The following UBASH3A variants were observed in gnomAD, a reference collection of about 807,000 sequenced individuals.
UBASH3A encodes ubiquitin-associated and SH3 domain-containing protein A.
UBASH3A carries 63 observed loss-of-function variants against 73.5 expected under a neutral mutation model. The ratio of observed to expected loss-of-function variants is 0.86; its 90% CI spans 0.70 to 1.06. The LOEUF is 1.06. Among genes scored for constraint, UBASH3A ranks in the 50% least tolerant of loss-of-function variants. The pLI is 0.00. For missense variants in UBASH3A, 860 were observed against 859.0 expected, an observed-to-expected ratio of 1.00 and a Z score of -0.02; for synonymous variants, 363 against 351.1, an observed-to-expected ratio of 1.03 and a Z score of -0.38.
chr21:42,426,818 C>A lies in UBASH3A; in HGVS notation c.1168C>A (p.Gln390Lys). 2 of 1,613,690 alleles carry A rather than the reference C, an allele frequency of 1.2e-6. No homozygotes were observed. Among genetic ancestry groups the A allele is most frequent in the Non-Finnish European group, 1.7e-6 (2 of 1,179,798 alleles). Residue 390 changes from glutamine to lysine, a missense_variant and splice_region_variant, in exon 8 of 15, where the codon CAG (glutamine) becomes AAG (lysine). Physicochemically the swap from Gln to Lys is moderately conservative, Grantham distance 53. Coordinates refer to ENST00000319294, the MANE Select transcript of UBASH3A (RefSeq NM_018961.4). The stretch of plus-strand genomic sequence containing the variant: ...GAGTCTTAGCAGCTTACAGGCCTTG[C>A]AGGTAATAGAACATTCCCTTTTTTC... ...ARSLSSLQAL[Q>K]ATVARKSVLV...
intron 3 of UBASH3A, 69 bp downstream of exon 3, chr21:42,409,677 TG>T: frequency 7.0e-7 from 1 of 1,419,268 alleles, no homozygotes. Context: ...AACTAGGCCA[TG>T]ATGGGACAAA....
At chr21:42,430,931 T>C (rs900515071) in intron 8 of UBASH3A, among the ~76,000 whole-genome samples, 2 of 152,048 alleles carry the variant, frequency 1.3e-5, no homozygotes, top group African/African-American at 4.8e-5. Flanking sequence ...TGGGCCTGGC[T>C]CTGGGGCTGG....
chr21:42,428,198 G>A (rs2053472293), intron 8 of UBASH3A, among the ~76,000 whole-genome samples: 1 of 152,216 alleles, frequency 6.6e-6, no homozygotes, highest in South Asian at 2.1e-4. Flanking sequence ...CTCCAGGACT[G>A]TGGGAGAGTA....
In UBASH3A at chr21:42,416,564, T is replaced by G. The variant is rs766808891; in HGVS notation, c.790T>G (p.Trp264Gly). The part of the protein sequence containing the change: ...RAIPLGHSCQ[W>G]TAALYSRDMR... ...CATCCCCCTGGGCCACAGCTGCCAGTGGACCGCAGCACTCTACTCCCGAGA... is the reference window on the plus strand; with the variant it reads ...CATCCCCCTGGGCCACAGCTGCCAGGGGACCGCAGCACTCTACTCCCGAGA... Residue 264 changes from tryptophan to glycine, a missense_variant, in exon 6 of 15, where the codon TGG becomes GGG. Coordinates refer to ENST00000319294, the MANE Select transcript of UBASH3A (RefSeq NM_018961.4). The G allele has an allele frequency of 1.9e-6, 3 of 1,609,252 alleles. No homozygotes were observed. Among genetic ancestry groups the G allele is most frequent in the Non-Finnish European group, 1.7e-6 (2 of 1,178,034 alleles).
At chr21:42,406,259 T>A (rs760287128) in intron 1 of UBASH3A, 49 bp from the exon 2 acceptor site, 7 of 1,554,152 alleles carry the variant, frequency 4.5e-6, no homozygotes, top group Non-Finnish European at 6.2e-6. Flanking sequence ...CTGACCCTTT[T>A]CCCAAGAATG....
At chr21:42,421,170 A>G (rs908617775) in intron 7 of UBASH3A, among the ~76,000 whole-genome samples, 1 of 152,260 alleles carries the variant, frequency 6.6e-6, no homozygotes, top group Admixed American at 6.5e-5. Context: ...CAGAGGTCAG[A>G]GTACACATGG....
At chr21:42,418,777 C>T (rs1415907687) in intron 7 of UBASH3A, among the ~76,000 whole-genome samples, 168 bp downstream of exon 7, 1 of 152,084 alleles carries the variant, frequency 6.6e-6, no homozygotes, top group African/African-American at 2.4e-5. Flanking sequence ...TTGGTTCGTC[C>T]CTGGTTTTCT....
intron 12 of UBASH3A, 130 bp downstream of exon 12, chr21:42,442,726 G>T: frequency 1.0e-6 from 1 of 997,076 alleles, no homozygotes; most frequent in Non-Finnish European, 1.4e-6. Context: ...TTTTGCAGCA[G>T]GGGAGAGAGG....
In UBASH3A at chr21:42,437,495, G is replaced by A. The variant is rs375005296; in HGVS notation, c.1401G>A (p.Ala467=). The A allele has an allele frequency of 1.2e-4, 186 of 1,614,044 alleles. No individual in the cohort carries two copies. The highest frequency in any genetic ancestry group is 1.4e-4 in the Non-Finnish European group (168 of 1,179,968). The change falls in exon 11 of 15, where the codon GCG becomes GCA. Residue 467 remains alanine (A), a synonymous_variant. Transcript: ENST00000319294. Reference sequence around the variant, plus strand: ...TTTTTCACTATTTTCCAGGGGACGCGCTACTGGACAGTGGTATCAGAATCA... The same window carrying A: ...TTTTTCACTATTTTCCAGGGGACGCACTACTGGACAGTGGTATCAGAATCA... The part of the protein sequence containing the change: ...GIFQSRIAGD[A]LLDSGIRISS...
At chr21:42,445,202 G>A (rs1392998901) in intron 14 of UBASH3A, among the ~76,000 whole-genome samples, 1 of 152,222 alleles carries the variant, frequency 6.6e-6, no homozygotes, top group Non-Finnish European at 1.5e-5. Context: ...AAGCCAGAGG[G>A]TGATGTCCAG....
chr21:42,422,264 C>T (rs1036990038), intron 7 of UBASH3A, among the ~76,000 whole-genome samples: 1 of 152,182 alleles, frequency 6.6e-6, no homozygotes, highest in Admixed American at 6.5e-5. Flanking sequence ...CAGCCGTAGT[C>T]ACACGTCTTT....
At position 42,404,258 on chromosome 21, in the gene UBASH3A, C is replaced by T. The variant is rs986108481; in HGVS notation, c.113+200C>T. On this transcript the variant is annotated intron_variant, in intron 1 of 14. Coordinates refer to ENST00000319294, the MANE Select transcript of UBASH3A (RefSeq NM_018961.4). Reference sequence around the variant, plus strand: ...GGTGATCTTGACCAAGCTTGTCCAACCCACATGAGGCCCAGGACAGCTTTG... The same window carrying T: ...GGTGATCTTGACCAAGCTTGTCCAATCCACATGAGGCCCAGGACAGCTTTG... 5 of 376,968 alleles carry T rather than the reference C, an allele frequency of 1.3e-5. No homozygotes were observed. The South Asian group carries it at 6.7e-4, about 51-fold the overall frequency. 23.4% of individuals were successfully genotyped at this position (376,968 alleles called of 1,614,324 possible).
At chr21:42,417,878 C>CTTTTTTTTTTTTTTTT (rs796939696) in intron 6 of UBASH3A, among the ~76,000 whole-genome samples, 5 of 90,634 alleles carry the variant, frequency 5.5e-5, no homozygotes, top group South Asian at 4.2e-4. Flanking sequence ...TTCTTTTTTT[C>CTTTTTTTTTTTTTTTT]TTTTTTTTTT....
Position 42,413,633 on chromosome 21 carries a change from G to A in UBASH3A, c.667+110G>A, listed in dbSNP as rs1285734797. 1.5e-5 allele frequency: 12 copies of A among 810,016 alleles called. No homozygotes were observed. The highest frequency in any genetic ancestry group is 2.1e-5 in the Non-Finnish European group (11 of 519,058). The allele number at this position is 810,016 out of a possible 1,614,324, so 50.2% of individuals were successfully genotyped here. On this transcript the variant is annotated intron_variant, in intron 5 of 14. Transcript: ENST00000319294. This position sits in a 1 kb window ranked among gnomAD's most constrained non-coding sequence, Gnocchi z 4.5. ...TGCTTAGCTATATGCCAACAGCCTGGGAAAGTGCCCCAGAAGGGTGTGCCA... is the reference window on the plus strand; with the variant it reads ...TGCTTAGCTATATGCCAACAGCCTGAGAAAGTGCCCCAGAAGGGTGTGCCA...
At chr21:42,421,044 C>T (rs528695205) in intron 7 of UBASH3A, among the ~76,000 whole-genome samples, 7 of 152,348 alleles carry the variant, frequency 4.6e-5, no homozygotes, top group East Asian at 3.9e-4. Flanking sequence ...TAGGAACTGT[C>T]GTTCAGTCTG....
rs753503071 is a variant in UBASH3A, at chr21:42,418,450, C to T, written c.887C>T (p.Thr296Met). ...AAACCCCAGAACGTGGATGAGCTGACGCTAAGTCCTGGTGACTACATCTTT... is the reference window on the plus strand; with the variant it reads ...AAACCCCAGAACGTGGATGAGCTGATGCTAAGTCCTGGTGACTACATCTTT... The part of the protein sequence containing the change: ...QYKPQNVDEL[T>M]LSPGDYIFVD... Residue 296 changes from threonine to methionine, a missense_variant, in exon 7 of 15, where the codon ACG becomes ATG. By Grantham distance (81) the Thr-to-Met change is moderately conservative (BLOSUM62 -1). Transcript: ENST00000319294. The T allele has an allele frequency of 2.0e-5, 33 of 1,614,234 alleles. No individual in the cohort carries two copies. The highest frequency in any genetic ancestry group is 2.4e-5 in the Non-Finnish European group (28 of 1,180,042).
At chr21:42,438,119 G>A (rs1217102484) in intron 11 of UBASH3A, among the ~76,000 whole-genome samples, 1 of 152,176 alleles carries the variant, frequency 6.6e-6, no homozygotes. Context: ...CCTTCAGCCT[G>A]AACCCTGTCC....
intron 8 of UBASH3A, among the ~76,000 whole-genome samples, chr21:42,429,028 G>T (rs1729575213): frequency 6.6e-6 from 1 of 152,144 alleles, no homozygotes; most frequent in African/African-American, 2.4e-5. Context: ...ATCCAGGAGG[G>T]CCCTAAACCC....
intron 8 of UBASH3A, among the ~76,000 whole-genome samples, chr21:42,428,739 C>G (rs751518573): frequency 1.8e-4 from 27 of 152,030 alleles, no homozygotes; most frequent in Non-Finnish European, 3.7e-4. Context: ...ATGGAAGTCT[C>G]TGCTCGTAGC....
Sources: allele counts gnomAD v4.1 joint callset (sites outside exome capture counted in the v4.1 genomes callset), GRCh38; gene constraint gnomAD v4.1.1; non-coding constraint Gnocchi (gnomAD v3.1); transcripts MANE v1.5; gene names NCBI Gene and HGNC (gene_info 2026-07-23, HGNC 2026-07-21).